Variants in RIT2 observed in about 807,000 individuals in gnomAD.
RIT2 encodes the protein GTP-binding protein Rit2.
RIT2 carries 24 observed loss-of-function variants against 23.7 expected under a neutral mutation model. The observed-to-expected ratio is 1.01, with a 90% CI of 0.73 to 1.43. The LOEUF (loss-of-function observed/expected upper bound fraction) is 1.43. RIT2 is among the 40% of genes most tolerant of loss of function. The pLI is 0.00. For synonymous variants in RIT2, 107 were observed against 91.1 expected, an observed-to-expected ratio of 1.17 and a Z score of -0.99; for missense variants, 236 against 266.9, an observed-to-expected ratio of 0.88 and a Z score of 0.81.
chr18:42,820,740 A>G (rs907865866), intron 4 of RIT2, among the ~76,000 whole-genome samples: 7 of 152,024 alleles, frequency 4.6e-5, no homozygotes, highest in Non-Finnish European at 4.4e-5. Flanking sequence ...ATATTGAACC[A>G]TCCTTTCTAC....
intron 4 of RIT2, among the ~76,000 whole-genome samples, chr18:42,771,185 C>T (rs2143915172): frequency 1.3e-5 from 2 of 152,134 alleles, no homozygotes; most frequent in South Asian, 4.1e-4. Flanking sequence ...CTGTACTTCC[C>T]TTAGCTAGAC....
chr18:42,995,644 C>T (rs990565246), intron 2 of RIT2, among the ~76,000 whole-genome samples: 4 of 152,160 alleles, frequency 2.6e-5, no homozygotes, highest in African/African-American at 9.7e-5. Context: ...TTTAAAAACA[C>T]ACCTCACCAA....
chr18:42,897,446 T>G lies in RIT2; in HGVS notation c.426+26126A>C, dbSNP rs186457198. The stretch of plus-strand genomic sequence containing the variant: ...GCCTTATAACTCTGTGACTGACAAA[T>G]GTAAGGACAGAAGAATAAAACATCT... On this transcript the variant is annotated intron_variant, in intron 4 of 4. Coordinates refer to ENST00000326695, the MANE Select transcript of RIT2 (RefSeq NM_002930.4). Among the ~76,000 whole-genome samples, 316 of 152,238 alleles carry G rather than the reference T, an allele frequency of 2.1e-3. 3 individuals carry two copies. Among genetic ancestry groups the G allele is most frequent in the African/African-American group, 7.1e-3 (294 of 41,542 alleles).
intron 2 of RIT2, among the ~76,000 whole-genome samples, chr18:43,013,724 T>C (rs1265774226): frequency 1.3e-5 from 2 of 151,780 alleles, no homozygotes; most frequent in South Asian, 4.1e-4. Flanking sequence ...ATTAACTCGC[T>C]GCAATTTTCG....
At chr18:42,907,161 G>A (rs1319713597) in intron 4 of RIT2, among the ~76,000 whole-genome samples, 1 of 152,064 alleles carries the variant, frequency 6.6e-6, no homozygotes, top group Non-Finnish European at 1.5e-5. Context: ...CCTTAATTAA[G>A]TGCATAGACT....
At chr18:42,999,247 TA>T (rs1041824289) in intron 2 of RIT2, among the ~76,000 whole-genome samples, 5 of 151,508 alleles carry the variant, frequency 3.3e-5, no homozygotes, top group Non-Finnish European at 7.4e-5. Flanking sequence ...TGAGCAATAA[TA>T]AAAAAAAATC....
At chr18:43,098,711 T>A (rs1166972315) in intron 1 of RIT2, among the ~76,000 whole-genome samples, 1 of 152,006 alleles carries the variant, frequency 6.6e-6, no homozygotes, top group African/African-American at 2.4e-5. Context: ...GGAAGCCTAT[T>A]CATTAATTCA....
chr18:42,991,374 C>T (rs921151290), intron 2 of RIT2, among the ~76,000 whole-genome samples: 3 of 152,206 alleles, frequency 2.0e-5, no homozygotes, highest in Non-Finnish European at 4.4e-5. Flanking sequence ...TGGGTTGGTG[C>T]AACCAAAGCA....
At chr18:42,957,119 T>C (rs1034670144) in intron 3 of RIT2, among the ~76,000 whole-genome samples, 2 of 152,182 alleles carry the variant, frequency 1.3e-5, no homozygotes, top group Non-Finnish European at 2.9e-5. Flanking sequence ...CATTAGGCAT[T>C]ACATATTCAC....
At chr18:42,749,361 T>C (rs890370908) in intron 4 of RIT2, among the ~76,000 whole-genome samples, 1 of 151,776 alleles carries the variant, frequency 6.6e-6, no homozygotes, top group Non-Finnish European at 1.5e-5. Context: ...AAGCATGTTT[T>C]TAAAAAGCAT....
intron 3 of RIT2, among the ~76,000 whole-genome samples, chr18:42,946,294 T>G (rs1309654115): frequency 6.6e-6 from 1 of 152,090 alleles, no homozygotes; most frequent in African/African-American, 2.4e-5. Context: ...TCCCAGTTGA[T>G]AGTGATAATG....
chr18:42,917,832 T>A (rs959244185), intron 4 of RIT2, among the ~76,000 whole-genome samples: 2 of 152,020 alleles, frequency 1.3e-5, no homozygotes, highest in Admixed American at 1.3e-4. Flanking sequence ...ACCCAAATCC[T>A]CCCCACACTC....
At chr18:42,874,854 T>C (rs544017655) in intron 4 of RIT2, among the ~76,000 whole-genome samples, 14 of 152,130 alleles carry the variant, frequency 9.2e-5, no homozygotes, top group Admixed American at 3.3e-4. Flanking sequence ...ATTTGAGGGA[T>C]GGCTTTCAAG....
At chr18:42,793,164 C>T (rs958863089) in intron 4 of RIT2, among the ~76,000 whole-genome samples, 4 of 152,148 alleles carry the variant, frequency 2.6e-5, no homozygotes, top group African/African-American at 9.7e-5. Context: ...AGTAGTAATA[C>T]AAGTGGCTCT....
chr18:42,965,230 C>A (rs565997265), intron 3 of RIT2, among the ~76,000 whole-genome samples: 4 of 152,218 alleles, frequency 2.6e-5, no homozygotes, highest in African/African-American at 9.6e-5. Flanking sequence ...GCACAAAATC[C>A]TTTAAATAAC....
At chr18:43,069,565 C>T (rs1912852247) in intron 1 of RIT2, among the ~76,000 whole-genome samples, 2 of 152,216 alleles carry the variant, frequency 1.3e-5, no homozygotes, top group East Asian at 3.9e-4. Context: ...TTGTTTTTGT[C>T]CTTGCCCACC....
chr18:43,077,335 G>A (rs895683959), intron 1 of RIT2, among the ~76,000 whole-genome samples: 3 of 152,096 alleles, frequency 2.0e-5, no homozygotes, highest in African/African-American at 4.8e-5. Flanking sequence ...CTATTAGGTA[G>A]CTAATAGAAT....
At chr18:42,902,507 A>AATTTACAT (rs1908503308) in intron 4 of RIT2, among the ~76,000 whole-genome samples, 1 of 151,614 alleles carries the variant, frequency 6.6e-6, no homozygotes, top group Non-Finnish European at 1.5e-5. Context: ...TGTACTTTAT[A>AATTTACAT]ATTTACATAT....
At chr18:42,814,443 G>A (rs1416011041) in intron 4 of RIT2, among the ~76,000 whole-genome samples, 3 of 152,050 alleles carry the variant, frequency 2.0e-5, no homozygotes, top group South Asian at 2.1e-4. Flanking sequence ...TGTGACTGCC[G>A]GCTTTCCCCC....
Sources: allele counts gnomAD v4.1 joint callset (sites outside exome capture counted in the v4.1 genomes callset), GRCh38; gene constraint gnomAD v4.1.1; transcripts MANE v1.5; gene names NCBI Gene and HGNC (gene_info 2026-07-23, HGNC 2026-07-21).